The following PHF8 variants were observed in gnomAD, a reference collection of about 807,000 sequenced individuals.
The protein encoded by PHF8 is PHD finger protein 8.
Under a neutral mutation model 74.4 loss-of-function variants are expected in PHF8, and 9 were observed. That is an observed-to-expected ratio of 0.12 (90% CI 0.07 to 0.21). PHF8 has a LOEUF of 0.21. Among genes scored for constraint, PHF8 ranks in the 10% least tolerant of loss-of-function variants. The pLI, the probability that PHF8 is intolerant of heterozygous loss-of-function variation, is 1.00. For missense variants in PHF8, 478 were observed against 816.6 expected (o/e 0.59, Z 5.05); for synonymous variants, 311 against 316.6 (o/e 0.98, Z 0.19).
At chrX:54,030,308 G>A (rs4826299) in intron 2 of PHF8, among the ~76,000 whole-genome samples, 1,402 of 111,500 alleles carry the variant, frequency 0.013, 32 homozygotes, top group Admixed American at 0.087. Flanking sequence ...GCTTCTGGCT[G>A]CACTGTCTCG....
intron 2 of PHF8, among the ~76,000 whole-genome samples, chrX:54,027,984 CCACACACACACACA>C (rs782177087): frequency 2.0e-4 from 19 of 96,514 alleles, no homozygotes; most frequent in African/African-American, 5.4e-4. Flanking sequence ...ACTATACACA[CCACACACACACACA>C]CACACACACA....
rs781833198 is a variant in PHF8, at chrX:53,970,396, C to A, written c.2444-7457G>T. The stretch of plus-strand genomic sequence containing the variant: ...AAGGAAGTACTTTAGTAAAAACACA[C>A]TGAAGTATACAGACCAGTGACACTA... On this transcript the variant is annotated intron_variant, in intron 18 of 21. Coordinates refer to ENST00000338154, the MANE Select transcript of PHF8 (RefSeq NM_015107.3). Among the ~76,000 whole-genome samples the A allele has an allele frequency of 2.4e-4, 27 of 112,266 alleles. 1 individual carries two copies. The highest frequency in any genetic ancestry group is 8.7e-4 in the African/African-American group (27 of 30,987).
At chrX:54,028,375 T>C (rs2066303041) in intron 2 of PHF8, among the ~76,000 whole-genome samples, 1 of 111,754 alleles carries the variant, frequency 8.9e-6, no homozygotes, top group South Asian at 3.7e-4. Context: ...ACAGCCACTA[T>C]GAGTAGGGAT....
At chrX:54,048,883 G>GGGCA (rs1261524238), upstream of PHF8, 1 of 112,200 alleles carries the variant, frequency 8.9e-6, no homozygotes, top group Non-Finnish European at 1.9e-5. Context: ...CCCCGTGACA[G>GGGCA]GGCATTTCAA....
At chrX:54,035,721 C>T (rs1214555094) in intron 2 of PHF8, among the ~76,000 whole-genome samples, 1 of 111,102 alleles carries the variant, frequency 9.0e-6, no homozygotes, top group Non-Finnish European at 1.9e-5. Flanking sequence ...GAGGAGATTG[C>T]TTAAGCCCTG....
chrX:53,947,097 C>T (rs1281148913), intron 19 of PHF8, among the ~76,000 whole-genome samples: 1 of 111,385 alleles, frequency 9.0e-6, no homozygotes, highest in Non-Finnish European at 1.9e-5. Context: ...CTGCAACCTC[C>T]ACCTCCCGGG....
chrX:53,966,465 C>T (rs905179085), intron 18 of PHF8, among the ~76,000 whole-genome samples: 4 of 111,829 alleles, frequency 3.6e-5, no homozygotes, highest in East Asian at 5.6e-4. Context: ...AGCTCCTAAC[C>T]GCGAGTGATC....
At chrX:54,021,454 A>ATTTTTTTTT (rs1156928686) in intron 4 of PHF8, among the ~76,000 whole-genome samples, 10 of 42,165 alleles carry the variant, frequency 2.4e-4, no homozygotes, top group African/African-American at 3.3e-4. Context: ...AGTTGCAATT[A>ATTTTTTTTT]TTTTTTTTTT....
rs963414329 is a variant in PHF8, at chrX:53,995,867, G to A, written c.1234-85C>T. 1.6e-5 allele frequency: 8 copies of A among 500,750 alleles called. No homozygotes were observed. The African/African-American group carries it at 1.9e-4, about 12-fold the overall frequency. The allele number at this position is 500,750 out of a possible 1,213,427, so 41.3% of individuals were successfully genotyped here. A position where few individuals can be genotyped will look rare whatever the true frequency, so the allele number is the denominator to read the frequency against. ...AAATATGCCAAGGCAATTCAATGGA[G>A]AAAGAGTAGTCTTTTCAACAAATGA... On this transcript the variant is annotated intron_variant, in intron 11 of 21. Transcript: ENST00000338154.
chrX:53,992,324 T>C (rs2065679095), intron 14 of PHF8, among the ~76,000 whole-genome samples: 1 of 112,333 alleles, frequency 8.9e-6, no homozygotes, highest in African/African-American at 3.2e-5. Flanking sequence ...AATGGTGCAG[T>C]GAACACTGAA....
At chrX:53,960,149 C>G (rs1452333452) in intron 19 of PHF8, among the ~76,000 whole-genome samples, 1 of 108,640 alleles carries the variant, frequency 9.2e-6, no homozygotes, top group African/African-American at 3.3e-5. Flanking sequence ...GATCTCGGCT[C>G]ACTGCAAGCT....
At chrX:53,949,833 A>G (rs909073015) in intron 19 of PHF8, among the ~76,000 whole-genome samples, 3 of 108,301 alleles carry the variant, frequency 2.8e-5, no homozygotes, top group African/African-American at 1.0e-4. Flanking sequence ...AAAAAAAAAA[A>G]AAGAAATAAA....
intron 19 of PHF8, among the ~76,000 whole-genome samples, chrX:53,953,631 G>A (rs1359306156): frequency 2.3e-5 from 2 of 88,003 alleles, no homozygotes; most frequent in Non-Finnish European, 4.3e-5. Context: ...GTGACAGAGT[G>A]ACACTCTGTC....
At chrX:54,008,873 T>C (rs1557106017) in intron 8 of PHF8, among the ~76,000 whole-genome samples, 1 of 110,853 alleles carries the variant, frequency 9.0e-6, no homozygotes, top group Non-Finnish European at 1.9e-5. Flanking sequence ...ATAGGGTTTT[T>C]TTAAAAAACA....
At chrX:54,004,378 A>C (rs1603330519) in intron 8 of PHF8, among the ~76,000 whole-genome samples, 2 of 111,586 alleles carry the variant, frequency 1.8e-5, no homozygotes, top group South Asian at 7.4e-4. Context: ...CTAAAAAACC[A>C]ATGAAATCGT....
At chrX:53,978,509 T>C (rs1284050311) in intron 18 of PHF8, among the ~76,000 whole-genome samples, 3 of 111,041 alleles carry the variant, frequency 2.7e-5, no homozygotes, top group Non-Finnish European at 5.7e-5. Flanking sequence ...ATTAAAGCCA[T>C]TATGGTGGGC....
chrX:53,990,969 G>A (rs2065650400), intron 14 of PHF8, among the ~76,000 whole-genome samples: 1 of 111,692 alleles, frequency 9.0e-6, no homozygotes, highest in African/African-American at 3.3e-5. Flanking sequence ...CATGTATTAA[G>A]TATTAATTAT....
chrX:54,026,504 A>C lies in PHF8; in HGVS notation c.99-3661T>G, dbSNP rs781972723. ...TCTCTCAAAAATTACCTTGCTTCCTACTACTTCTGGTTTTTGGTTTTGGCT... is the reference window on the plus strand; with the variant it reads ...TCTCTCAAAAATTACCTTGCTTCCTCCTACTTCTGGTTTTTGGTTTTGGCT... On this transcript the variant is annotated intron_variant, in intron 2 of 21. Coordinates refer to ENST00000338154, the MANE Select transcript of PHF8 (RefSeq NM_015107.3). 3.6e-5 allele frequency among the ~76,000 whole-genome samples: 4 copies of C among 109,875 alleles called. No homozygotes were observed. The South Asian group carries it at 1.5e-3, about 42-fold the overall frequency.
chrX:53,987,171 A>G lies in PHF8; in HGVS notation c.1910-8T>C. The G allele has an allele frequency of 9.1e-7, 1 of 1,101,873 alleles. No homozygotes were observed. Among genetic ancestry groups the G allele is most frequent in the Non-Finnish European group, 1.3e-6 (1 of 795,324 alleles). 90.8% of individuals were successfully genotyped at this position (1,101,873 alleles called of 1,213,427 possible). On this transcript the variant is annotated splice_polypyrimidine_tract_variant and splice_region_variant and intron_variant, in intron 15 of 21. Transcript: ENST00000338154. ...GCAATTTCCGGGGAAATTCTAGAAAACAATGGAATGCACTTATTATGAAGC... is the reference window on the plus strand; with the variant it reads ...GCAATTTCCGGGGAAATTCTAGAAAGCAATGGAATGCACTTATTATGAAGC...
Sources: allele counts gnomAD v4.1 joint callset (sites outside exome capture counted in the v4.1 genomes callset), GRCh38; gene constraint gnomAD v4.1.1; transcripts MANE v1.5; gene names NCBI Gene and HGNC (gene_info 2026-07-23, HGNC 2026-07-21).